SNRK: variants seen among roughly 807,000 people sequenced by gnomAD.
SNRK encodes the protein SNF related kinase, also known as SNF-related serine/threonine-protein kinase.
Under a neutral mutation model 48.2 loss-of-function variants are expected in SNRK, and 3 were observed. That is an observed-to-expected ratio of 0.06 (90% CI 0.03 to 0.16). SNRK has a LOEUF of 0.16. Ranked by LOEUF, SNRK falls within the 10% of genes least tolerant of loss-of-function variation. The pLI is 1.00. For missense variants in SNRK, 627 were observed against 976.0 expected (o/e 0.64, Z 4.76); for synonymous variants, 376 against 366.1 (o/e 1.03, Z -0.31).
intron 4 of SNRK, among the ~76,000 whole-genome samples, chr3:43,336,366 T>C (rs2091188788): frequency 6.6e-6 from 1 of 152,006 alleles, no homozygotes; most frequent in African/African-American, 2.4e-5. Flanking sequence ...CTTGCTTTGT[T>C]GCCCAGGCTG....
intron 1 of SNRK, among the ~76,000 whole-genome samples, chr3:43,295,134 G>A (rs1478170779): frequency 6.6e-6 from 1 of 152,184 alleles, no homozygotes; most frequent in Non-Finnish European, 1.5e-5. Flanking sequence ...CATCTGTGTT[G>A]CTGGTCCAGG....
intron 4 of SNRK, chr3:43,333,334 G>A (rs958705079): frequency 2.4e-5 from 3 of 127,316 alleles, no homozygotes; most frequent in Non-Finnish European, 4.7e-5. Context: ...ATTCCAGCCT[G>A]GGCGACAGAG....
intron 1 of SNRK, among the ~76,000 whole-genome samples, chr3:43,288,222 C>A (rs1303641775): frequency 3.9e-5 from 6 of 152,150 alleles, no homozygotes; most frequent in Non-Finnish European, 7.4e-5. Context: ...AGGAAACTTT[C>A]AGTGCCACCT....
In SNRK at chr3:43,348,081, C is replaced by G. The variant is rs1475992897; in HGVS notation, c.1822C>G (p.Pro608Ala). 1.3e-6 allele frequency: 2 copies of G among 1,596,040 alleles called. No individual in the cohort carries two copies. Among genetic ancestry groups the G allele is most frequent in the Non-Finnish European group, 1.7e-6 (2 of 1,171,066 alleles). The change falls in exon 7 of 7, where the codon CCC becomes GCC. Residue 608 changes from proline (P) to alanine (A), a missense_variant. By Grantham distance (27) the Pro-to-Ala change is conservative. Around this residue, in one of 4 missense-constraint regions of SNRK, gnomAD observed 207 missense variants for 234.3 expected, o/e 0.88. Transcript: ENST00000296088. ...PSENNAGGGS[P>A]SSGSGGNPTN... ...TGAGAACAATGCTGGTGGGGGCAGT[C>G]CCTCCAGCGGCTCGGGTGGCAACCC...
chr3:43,303,855 G>A lies in SNRK; in HGVS notation c.589+63G>A. 2.6e-6 allele frequency: 3 copies of A among 1,170,634 alleles called. No homozygotes were observed. The highest frequency in any genetic ancestry group is 3.7e-6 in the Non-Finnish European group (3 of 819,394). The allele number at this position is 1,170,634 out of a possible 1,614,324, so 72.5% of individuals were successfully genotyped here. ...CTGCCAGCTAGAGTTGGTCAGATCG[G>A]TTGTTTATCTAAAAATGATTTCTAG... is the stretch of plus-strand genomic sequence containing the variant. On this transcript the variant is annotated intron_variant, in intron 3 of 6. Coordinates refer to ENST00000296088, the MANE Select transcript of SNRK (RefSeq NM_017719.5). This position sits in a 1 kb window ranked among gnomAD's most constrained non-coding sequence, Gnocchi z 6.2.
Position 43,297,669 on chromosome 3 carries a change from T to C in SNRK, c.-168-2085T>C, listed in dbSNP as rs148875487. 7.8e-4 allele frequency among the ~76,000 whole-genome samples: 119 copies of C among 152,296 alleles called. 1 individual carries two copies. The East Asian group carries it at 0.022, about 28-fold the overall frequency. On this transcript the variant is annotated intron_variant, in intron 1 of 6. Coordinates refer to ENST00000296088, the MANE Select transcript of SNRK (RefSeq NM_017719.5). ...AACAGATTTTTCTTTCATAATTGTT[T>C]TTGAGATTTTCTGTAAGAATATATT...
rs1227697345 is a variant in SNRK, at chr3:43,343,405, A to C, written c.1006A>C (p.Ile336Leu). The C allele has an allele frequency of 6.2e-7, 1 of 1,614,198 alleles. No homozygotes were observed. Among genetic ancestry groups the C allele is most frequent in the Admixed American group, 1.7e-5 (1 of 60,020 alleles). The change falls in exon 6 of 7, where the codon ATC becomes CTC. Residue 336 changes from isoleucine to leucine, a missense_variant. Coordinates refer to ENST00000296088, the MANE Select transcript of SNRK (RefSeq NM_017719.5). Reference protein sequence around the residue: ...TATYFLLAERILREKQEKEIQ... With the variant: ...TATYFLLAERLLREKQEKEIQ... ...CACATACTTCCTGCTGGCTGAAAGG[A>C]TCCTGAGAGAAAAGCAAGAGAAAGA...
chr3:43,328,379 G>A (rs1261977757), intron 3 of SNRK, among the ~76,000 whole-genome samples: 2 of 150,804 alleles, frequency 1.3e-5, no homozygotes, highest in African/African-American at 4.9e-5. Flanking sequence ...TTTTTCTTAA[G>A]AGATGGGGTC....
At chr3:43,292,013 A>G (rs946452919) in intron 1 of SNRK, among the ~76,000 whole-genome samples, 8 of 152,260 alleles carry the variant, frequency 5.3e-5, no homozygotes, top group African/African-American at 1.7e-4. Flanking sequence ...AAAGTGCAGT[A>G]CATACATAGA....
chr3:43,335,414 T>G (rs1320687259), intron 4 of SNRK, among the ~76,000 whole-genome samples: 1 of 152,216 alleles, frequency 6.6e-6, no homozygotes, highest in Non-Finnish European at 1.5e-5. Flanking sequence ...CTAACTTAAT[T>G]GTGTTGTGGT....
intron 3 of SNRK, among the ~76,000 whole-genome samples, chr3:43,320,664 G>T (rs1372355473): frequency 6.7e-6 from 1 of 148,306 alleles, no homozygotes; most frequent in African/African-American, 2.6e-5. Context: ...AGAGTAGCTG[G>T]GTTTTTTTTT....
At chr3:43,294,558 C>T (rs977155090) in intron 1 of SNRK, among the ~76,000 whole-genome samples, 2 of 151,974 alleles carry the variant, frequency 1.3e-5, no homozygotes, top group African/African-American at 4.8e-5. Context: ...TTTTGGATTT[C>T]GTATTTTCAC....
chr3:43,343,260 C>T, intron 5 of SNRK, 84 bp from the exon 6 acceptor site: 1 of 1,472,688 alleles, frequency 6.8e-7, no homozygotes, highest in Non-Finnish European at 9.0e-7. Flanking sequence ...ATTTAACTTG[C>T]TTGTACTTTT....
intron 5 of SNRK, among the ~76,000 whole-genome samples, chr3:43,341,355 G>A (rs775827774): frequency 6.6e-6 from 1 of 152,112 alleles, no homozygotes; most frequent in Non-Finnish European, 1.5e-5. Context: ...GTTTCACTGT[G>A]TTAGCCAGGA....
At position 43,348,752 on chromosome 3, in the gene SNRK, C is replaced by T. The variant is rs1179106237; in HGVS notation, c.*195C>T. 6.4e-6 allele frequency: 3 copies of T among 469,440 alleles called. No individual in the cohort carries two copies. The highest frequency in any genetic ancestry group is 2.0e-5 in the African/African-American group (1 of 49,772). 29.1% of individuals were successfully genotyped at this position (469,440 alleles called of 1,614,324 possible). The stretch of plus-strand genomic sequence containing the variant: ...CTGCTAGACACTTTTCTTTCCCAGC[C>T]GAAAAGCCTATTATGTAATTTTTAC... On this transcript the variant is annotated 3_prime_UTR_variant, in exon 7 of 7. Coordinates refer to ENST00000296088, the MANE Select transcript of SNRK (RefSeq NM_017719.5).
intron 4 of SNRK, among the ~76,000 whole-genome samples, chr3:43,338,858 A>C (rs1169650924): frequency 6.6e-6 from 1 of 152,144 alleles, no homozygotes; most frequent in African/African-American, 2.4e-5. Flanking sequence ...TATTTATAGT[A>C]TAAAGTATCA....
At chr3:43,319,829 G>C (rs891687523) in intron 3 of SNRK, among the ~76,000 whole-genome samples, 21 of 152,120 alleles carry the variant, frequency 1.4e-4, no homozygotes, top group Non-Finnish European at 2.9e-5. Flanking sequence ...TCCTTGCCTT[G>C]TATCTGTTAT....
chr3:43,347,955 C>T lies in SNRK; in HGVS notation c.1696C>T (p.Arg566Ter), dbSNP rs1559472863. The T allele has an allele frequency of 3.7e-6, 6 of 1,614,084 alleles. No individual in the cohort carries two copies. The highest frequency in any genetic ancestry group is 5.1e-6 in the Non-Finnish European group (6 of 1,180,022). Residue 566 changes from arginine (R) to a stop codon, truncating the protein, a stop_gained, in exon 7 of 7, where the codon CGA becomes TGA. Coordinates refer to ENST00000296088, the MANE Select transcript of SNRK (RefSeq NM_017719.5). LOFTEE classifies it high-confidence loss of function. The surrounding 1 kb of genome is among the most constrained non-coding windows in gnomAD (Gnocchi z 5.4). ...TAGCGGGTTCACCTACTCCTGGCACCGACGGGATAGCAGCGAGGGGCCCCC... is the reference window on the plus strand; with the variant it reads ...TAGCGGGTTCACCTACTCCTGGCACTGACGGGATAGCAGCGAGGGGCCCCC... ...KDSGFTYSWH[R>*]RDSSEGPPGS...
chr3:43,344,660 C>G (rs2091261918), intron 6 of SNRK, among the ~76,000 whole-genome samples: 1 of 151,854 alleles, frequency 6.6e-6, no homozygotes, highest in African/African-American at 2.4e-5. Context: ...TGGATGCATT[C>G]CTCTGTAATA....
Sources: allele counts gnomAD v4.1 joint callset (sites outside exome capture counted in the v4.1 genomes callset), GRCh38; gene constraint gnomAD v4.1.1; regional missense constraint gnomAD v4.1.1; non-coding constraint Gnocchi (gnomAD v3.1); transcripts MANE v1.5; gene names NCBI Gene and HGNC (gene_info 2026-07-23, HGNC 2026-07-21).